The following TMEM117 variants were observed in gnomAD, a reference collection of about 807,000 sequenced individuals.
TMEM117 encodes the protein transmembrane protein 117.
Under a neutral mutation model 52.4 loss-of-function variants are expected in TMEM117, and 27 were observed. The ratio of observed to expected loss-of-function variants is 0.51; its 90% CI spans 0.38 to 0.71. The LOEUF (loss-of-function observed/expected upper bound fraction) is 0.71, where lower values mean the gene tolerates loss of function less well. Among genes scored for constraint, TMEM117 ranks in the 30% least tolerant of loss-of-function variants. TMEM117 has a pLI of 0.00. For missense variants in TMEM117, 556 were observed against 630.5 expected, an observed-to-expected ratio of 0.88 and a Z score of 1.26; for synonymous variants, 215 against 206.3, an observed-to-expected ratio of 1.04 and a Z score of -0.36.
At chr12:43,865,696 C>CTT (rs1565725546) in intron 2 of TMEM117, among the ~76,000 whole-genome samples, 49 of 139,680 alleles carry the variant, frequency 3.5e-4, no homozygotes, top group African/African-American at 1.2e-3. Context: ...GACTCCGTCC[C>CTT]AAAAAAAGAA....
intron 2 of TMEM117, among the ~76,000 whole-genome samples, chr12:43,858,561 A>T (rs1184090528): frequency 6.6e-6 from 1 of 152,206 alleles, no homozygotes; most frequent in East Asian, 1.9e-4. Flanking sequence ...GGCCATCAGT[A>T]ACCTCATTTT....
At chr12:44,280,240 G>A (rs1220775801) in intron 5 of TMEM117, among the ~76,000 whole-genome samples, 5 of 152,074 alleles carry the variant, frequency 3.3e-5, no homozygotes, top group Non-Finnish European at 7.3e-5. Context: ...TGTCCTGCCA[G>A]TTCATAAATT....
intron 4 of TMEM117, among the ~76,000 whole-genome samples, chr12:44,203,256 T>C (rs1192081728): frequency 2.0e-5 from 3 of 152,210 alleles, no homozygotes; most frequent in Non-Finnish European, 4.4e-5. Context: ...ATAGAAATGC[T>C]TACAGCAGTC....
chr12:44,134,859 G>T (rs536358514), intron 3 of TMEM117, among the ~76,000 whole-genome samples: 1 of 152,148 alleles, frequency 6.6e-6, no homozygotes, highest in East Asian at 1.9e-4. Context: ...CAAAGATAAG[G>T]TAGGGAACAG....
chr12:44,130,972 G>A (rs889680478), intron 3 of TMEM117, among the ~76,000 whole-genome samples: 6 of 151,976 alleles, frequency 3.9e-5, no homozygotes, highest in Non-Finnish European at 7.4e-5. Flanking sequence ...CATAGGACTA[G>A]CTGTGTTGGT....
chr12:44,385,601 A>T (rs970874178), intron 7 of TMEM117, among the ~76,000 whole-genome samples: 3 of 152,128 alleles, frequency 2.0e-5, no homozygotes, highest in African/African-American at 7.2e-5. Context: ...ACTGTCTCAA[A>T]AGGAAAATAA....
the TMEM117 span, among the ~76,000 whole-genome samples, chr12:43,828,821 C>T: frequency 6.6e-6 from 1 of 152,170 alleles, no homozygotes; most frequent in East Asian, 1.9e-4. Context: ...AACATTCTGG[C>T]TCCTTCTGGC....
At chr12:43,976,168 G>C (rs1004123488) in intron 3 of TMEM117, among the ~76,000 whole-genome samples, 4 of 152,170 alleles carry the variant, frequency 2.6e-5, no homozygotes, top group Non-Finnish European at 4.4e-5. Context: ...TCGACTGGAG[G>C]CTAAATGGGA....
chr12:43,797,146 C>T, the TMEM117 span: 39 of 1,521,664 alleles, frequency 2.6e-5, no homozygotes, highest in Non-Finnish European at 3.3e-5. Context: ...AATACATAAA[C>T]TTCATAAAAC....
intron 4 of TMEM117, among the ~76,000 whole-genome samples, chr12:44,146,987 A>G (rs1475604803): frequency 6.6e-6 from 1 of 152,198 alleles, no homozygotes; most frequent in Non-Finnish European, 1.5e-5. Context: ...CTCACATTAC[A>G]GAGCTTCAAG....
intron 6 of TMEM117, among the ~76,000 whole-genome samples, chr12:44,358,600 A>T (rs1480357799): frequency 6.6e-6 from 1 of 152,178 alleles, no homozygotes; most frequent in Non-Finnish European, 1.5e-5. Flanking sequence ...TTTATCTTCC[A>T]TAAATAGATT....
chr12:44,332,712 TACACAC>T (rs34633299), intron 6 of TMEM117, among the ~76,000 whole-genome samples: 2,169 of 143,220 alleles, frequency 0.015, 52 homozygotes, highest in African/African-American at 0.051. Flanking sequence ...CTACTGTTAC[TACACAC>T]ACACACACAC....
At chr12:44,169,932 T>C (rs899190301) in intron 4 of TMEM117, among the ~76,000 whole-genome samples, 5 of 152,102 alleles carry the variant, frequency 3.3e-5, no homozygotes, top group Non-Finnish European at 7.4e-5. Flanking sequence ...GACCCAGCCA[T>C]CCCATTACTG....
At chr12:43,918,549 G>C (rs527237512) in intron 2 of TMEM117, among the ~76,000 whole-genome samples, 7 of 152,208 alleles carry the variant, frequency 4.6e-5, no homozygotes, top group African/African-American at 7.2e-5. Context: ...TAACCAATTA[G>C]AAGCTACTTC....
chr12:44,185,283 A>G (rs1410267244), intron 4 of TMEM117, among the ~76,000 whole-genome samples: 1 of 152,196 alleles, frequency 6.6e-6, no homozygotes, highest in Non-Finnish European at 1.5e-5. Flanking sequence ...TGAAGGAACA[A>G]TGGTTTCTAA....
At chr12:43,806,300 C>G in the TMEM117 span, 1 of 1,449,034 alleles carries the variant, frequency 6.9e-7, no homozygotes, top group Non-Finnish European at 9.1e-7. Flanking sequence ...CGGCCCCGGC[C>G]GGCGGCCCCA....
chr12:43,876,890 TTTAAA>T (rs1943806563), intron 2 of TMEM117, among the ~76,000 whole-genome samples: 1 of 152,220 alleles, frequency 6.6e-6, no homozygotes, highest in African/African-American at 2.4e-5. Flanking sequence ...ACCCCTCTCT[TTTAAA>T]TTATTTTATG....
At chr12:44,004,888 A>T (rs1946169846) in intron 3 of TMEM117, among the ~76,000 whole-genome samples, 1 of 152,190 alleles carries the variant, frequency 6.6e-6, no homozygotes, top group Non-Finnish European at 1.5e-5. Context: ...AGAAAGAAAT[A>T]TCATGCAGAA....
chr12:44,194,832 A>G (rs1949397451), intron 4 of TMEM117, among the ~76,000 whole-genome samples: 1 of 152,190 alleles, frequency 6.6e-6, no homozygotes, highest in Admixed American at 6.5e-5. Flanking sequence ...CCTGTCAAAA[A>G]TAAAATCTCA....
Sources: gnomAD v4.1 joint callset for allele counts (sites outside exome capture counted in the v4.1 genomes callset) on GRCh38, gnomAD v4.1.1 for gene constraint, MANE v1.5 for transcripts, NCBI Gene and HGNC (gene_info 2026-07-23, HGNC 2026-07-21) for gene names.